Variants in SDHA observed in about 807,000 individuals in gnomAD.
SDHA encodes the protein succinate dehydrogenase complex flavoprotein subunit A.
A neutral mutation model predicts 78.4 loss-of-function variants in SDHA; 48 were observed. The ratio of observed to expected loss-of-function variants is 0.61; its 90% CI spans 0.49 to 0.78. The LOEUF (loss-of-function observed/expected upper bound fraction) is 0.78. SDHA is among the 30% of genes least tolerant of loss of function. The probability of loss-of-function intolerance (pLI) is 0.00; values close to 1 mark genes in which losing one functional copy is unlikely to be tolerated. For synonymous variants in SDHA, 326 were observed against 353.9 expected, an observed-to-expected ratio of 0.92 and a Z score of 0.88; for missense variants, 680 against 892.7, an observed-to-expected ratio of 0.76 and a Z score of 3.04.
intron 14 of SDHA, 116 bp downstream of exon 14, chr5:254,622 C>G (rs1430942635): frequency 6.9e-7 from 1 of 1,444,322 alleles, no homozygotes; most frequent in Non-Finnish European, 9.4e-7. Flanking sequence ...AAATCAACTC[C>G]CGACAGATTC....
In SDHA at chr5:223,592, T is replaced by C. The variant is rs376313791; in HGVS notation, c.150+24T>C. 250 of 1,583,398 alleles carry C rather than the reference T, an allele frequency of 1.6e-4. 1 individual carries two copies. The highest frequency in any genetic ancestry group is 2.1e-4 in the Non-Finnish European group (244 of 1,152,076). On this transcript the variant is annotated intron_variant, in intron 2 of 14. Transcript: ENST00000264932. ...CCGTAAGTTCATGCTTTTTGTTCCA[T>C]TATAAATGATTTTTTTGGCTTAGGG... is the stretch of plus-strand genomic sequence containing the variant.
rs1234109369 is a variant in SDHA at position 230,004 on chromosome 5, C to A, written c.771-872C>A. Among the ~76,000 whole-genome samples, 4 of 150,038 alleles carry A rather than the reference C, an allele frequency of 2.7e-5. No homozygotes were observed. In the South Asian group the frequency reaches 8.3e-4, roughly 31 times the overall value. On this transcript the variant is annotated intron_variant, in intron 6 of 14. Transcript: ENST00000264932. Reference sequence around the variant, plus strand: ...GGTGGCTAGAGTTAACATTATACAGCATGGTGGCTAGAGTTAATATTATAC... The same window carrying A: ...GGTGGCTAGAGTTAACATTATACAGAATGGTGGCTAGAGTTAATATTATAC...
intron 1 of SDHA, among the ~76,000 whole-genome samples, chr5:219,700 G>C (rs1280116945): frequency 6.6e-6 from 1 of 152,182 alleles, no homozygotes; most frequent in Non-Finnish European, 1.5e-5. Context: ...AGGAAGGAAA[G>C]CCCATGGTCA....
At chr5:218,570 G>C in intron 1 of SDHA, 152 bp downstream of exon 1, 1 of 586,040 alleles carries the variant, frequency 1.7e-6, no homozygotes. Context: ...CCCTGGGCCG[G>C]TGCGAGGGGA....
At chr5:221,947 C>T (rs1326792073) in intron 1 of SDHA, among the ~76,000 whole-genome samples, 4 of 152,056 alleles carry the variant, frequency 2.6e-5, no homozygotes, top group African/African-American at 2.4e-5. Context: ...CTAGAAAGAA[C>T]GAATAAACAT....
chr5:229,961 G>A (rs556299018), intron 6 of SDHA, among the ~76,000 whole-genome samples: 13 of 149,622 alleles, frequency 8.7e-5, no homozygotes, highest in East Asian at 3.9e-4. Context: ...GGTGGCTATC[G>A]TTAATATTAT....
At chr5:236,270 C>A (rs1477949132) in intron 9 of SDHA, 158 bp from the exon 10 acceptor site, 23 of 725,206 alleles carry the variant, frequency 3.2e-5, no homozygotes, top group Non-Finnish European at 4.8e-5. Flanking sequence ...GGTGATCACC[C>A]ACCTCAGCCT....
chr5:258,698 C>T (rs1268171646), downstream of SDHA, among the ~76,000 whole-genome samples: 1 of 110,970 alleles, frequency 9.0e-6, no homozygotes. Flanking sequence ...GTGTGAGCTC[C>T]GCCTCCCGCC....
At chr5:229,234 A>G (rs191124700) in intron 6 of SDHA, among the ~76,000 whole-genome samples, 34 of 152,330 alleles carry the variant, frequency 2.2e-4, no homozygotes, top group African/African-American at 6.7e-4. Context: ...TAGGACTACT[A>G]TGTGCTCCAG....
rs138929884 is a variant in SDHA, at chr5:229,164, T to C, written c.770+831T>C. On this transcript the variant is annotated intron_variant, in intron 6 of 14. Transcript: ENST00000264932. The stretch of plus-strand genomic sequence containing the variant: ...GAGAAAAGGGAACCCTGTGTGCTGT[T>C]GGTGGGAATGTAAATTAGTACAACT... 5.6e-3 allele frequency among the ~76,000 whole-genome samples: 860 copies of C among 152,284 alleles called. 5 individuals carry two copies. Among genetic ancestry groups the C allele is most frequent in the African/African-American group, 0.02 (832 of 41,552 alleles).
At chr5:221,077 G>A (rs1734688512) in intron 1 of SDHA, among the ~76,000 whole-genome samples, 1 of 151,956 alleles carries the variant, frequency 6.6e-6, no homozygotes, top group Non-Finnish European at 1.5e-5. Context: ...TCTCCCAAAG[G>A]GCTGGGATTA....
rs890954635 is a variant in SDHA at position 245,284 on chromosome 5, TCTC to T, written c.1551+4811_1551+4813del. 8.5e-5 allele frequency among the ~76,000 whole-genome samples: 13 copies of T among 152,326 alleles called. No homozygotes were observed. The South Asian group carries it at 1.9e-3, about 22-fold the overall frequency. Reference sequence around the variant, plus strand: ...GGGGACATTACAGCCAGGATTGCCTTCTCCTGCTATGATTCCAAAAAATTGGCC... The same window carrying T: ...GGGGACATTACAGCCAGGATTGCCTTCTGCTATGATTCCAAAAAATTGGCC... On this transcript the variant is annotated intron_variant, in intron 11 of 14. Transcript: ENST00000264932.
At position 256,379 on chromosome 5, in the gene SDHA, G is replaced by T; in HGVS notation, c.1954G>T (p.Ala652Ser). 6.2e-7 allele frequency: 1 copy of T among 1,613,932 alleles called. No homozygotes were observed. Among genetic ancestry groups the T allele is most frequent in the Non-Finnish European group, 8.5e-7 (1 of 1,179,818 alleles). ...RPVIDKTLNE[A>S]DCATVPPAIR... ...CGTGATCGACAAAACTTTGAACGAG[G>T]CTGACTGTGCCACCGTCCCGCCAGC... Residue 652 changes from alanine (A) to serine (S), a missense_variant, in exon 15 of 15, where the codon GCT (alanine) becomes TCT (serine). By Grantham distance (99) the Ala-to-Ser change is moderately conservative. Coordinates refer to ENST00000264932, the MANE Select transcript of SDHA (RefSeq NM_004168.4).
chr5:228,078 G>A, intron 5 of SDHA, 107 bp from the exon 6 acceptor site: 2 of 1,102,146 alleles, frequency 1.8e-6, no homozygotes, highest in Non-Finnish European at 2.7e-6. Context: ...GGATTTACCT[G>A]GTCCATTTGG....
intron 1 of SDHA, among the ~76,000 whole-genome samples, chr5:219,956 A>G (rs1290361300): frequency 6.6e-6 from 1 of 152,248 alleles, no homozygotes; most frequent in East Asian, 1.9e-4. Context: ...CAAGCAGCAT[A>G]TTTATCGGCA....
rs865994060 is a variant in SDHA, at chr5:234,126, A to T, written c.1064+481A>T. The stretch of plus-strand genomic sequence containing the variant: ...GGTTTTACATTTTTATATTAAAAAA[A>T]CAGAGAAGTCAGGTGGGGCGCAGTG... On this transcript the variant is annotated intron_variant, in intron 8 of 14. Transcript: ENST00000264932. 166 of 189,592 alleles carry T rather than the reference A, an allele frequency of 8.8e-4. 1 individual carries two copies. The highest frequency in any genetic ancestry group is 2.6e-3 in the Middle Eastern group (1 of 380). 11.7% of individuals were successfully genotyped at this position (189,592 alleles called of 1,614,324 possible). A position where few individuals can be genotyped will look rare whatever the true frequency, so the allele number is the denominator to read the frequency against.
chr5:225,136 C>T (rs1374251843), intron 3 of SDHA, among the ~76,000 whole-genome samples: 1 of 152,184 alleles, frequency 6.6e-6, no homozygotes, highest in African/African-American at 2.4e-5. Context: ...TTACAGGTAG[C>T]CTTTCACTCA....
In SDHA at chr5:230,977, A is replaced by T. The variant is rs1336029027; in HGVS notation, c.872A>T (p.Glu291Val). 10 of 1,613,858 alleles carry T rather than the reference A, an allele frequency of 6.2e-6. No homozygotes were observed. The highest frequency in any genetic ancestry group is 8.5e-6 in the Non-Finnish European group (10 of 1,179,854). Residue 291 changes from glutamate (E) to valine (V), a missense_variant, in exon 7 of 15, where the codon GAG becomes GTG. Glu to Val is a moderately radical substitution (Grantham distance 121). Coordinates refer to ENST00000264932, the MANE Select transcript of SDHA (RefSeq NM_004168.4). ...GCAGGCCTTCCTTGCCAGGACCTAGAGTTTGTTCAGTTCCACCCTACAGGT... is the reference window on the plus strand; with the variant it reads ...GCAGGCCTTCCTTGCCAGGACCTAGTGTTTGTTCAGTTCCACCCTACAGGT... Reference protein sequence around the residue: ...TRAGLPCQDLEFVQFHPTGIY... With the variant: ...TRAGLPCQDLVFVQFHPTGIY...
In SDHA at chr5:226,009, C is replaced by T. The variant is rs1337777456; in HGVS notation, c.583C>T (p.Arg195Trp). The part of the protein sequence containing the change: ...QAHRCCCVAD[R>W]TGHSLLHTLY... ...CCATCGGTGCTGCTGTGTGGCTGATCGGACTGGCCACTCGCTATTGCACAC... is the reference window on the plus strand; with the variant it reads ...CCATCGGTGCTGCTGTGTGGCTGATTGGACTGGCCACTCGCTATTGCACAC... The change falls in exon 5 of 15, where the codon CGG (arginine) becomes TGG (tryptophan). Residue 195 changes from arginine (R) to tryptophan (W), a missense_variant. Arg to Trp is a moderately radical substitution (Grantham distance 101). Coordinates refer to ENST00000264932, the MANE Select transcript of SDHA (RefSeq NM_004168.4). 5.0e-6 allele frequency: 8 copies of T among 1,614,146 alleles called. No individual in the cohort carries two copies. Among genetic ancestry groups the T allele is most frequent in the East Asian group, 2.2e-5 (1 of 44,878 alleles).
Sources: gnomAD v4.1 joint callset for allele counts (sites outside exome capture counted in the v4.1 genomes callset) on GRCh38, gnomAD v4.1.1 for gene constraint, MANE v1.5 for transcripts, NCBI Gene and HGNC (gene_info 2026-07-23, HGNC 2026-07-21) for gene names.